The following ASTN2 variants were observed in gnomAD, a reference collection of about 807,000 sequenced individuals.
ASTN2 encodes astrotactin 2, also known as astrotactin-2.
Under a neutral mutation model 139.8 loss-of-function variants are expected in ASTN2, and 54 were observed. That is an observed-to-expected ratio of 0.39 (90% CI 0.31 to 0.48). The LOEUF (loss-of-function observed/expected upper bound fraction) is 0.48, where lower values mean the gene tolerates loss of function less well. Among genes scored for constraint, ASTN2 ranks in the 20% least tolerant of loss-of-function variants. The pLI, the probability that ASTN2 is intolerant of heterozygous loss-of-function variation, is 0.95. For missense variants in ASTN2, 1,565 were observed against 1,725.1 expected (o/e 0.91, Z 1.64); for synonymous variants, 756 against 719.5 (o/e 1.05, Z -0.81).
chr9:116,549,716 C>T (rs1861880), intron 19 of ASTN2, among the ~76,000 whole-genome samples: 39,957 of 152,090 alleles, frequency 0.26, 6,113 homozygotes, highest in Admixed American at 0.4. Context: ...ACTCCCAAAG[C>T]GGCCAGCCCT....
At chr9:117,165,768 A>G (rs775011672) in intron 3 of ASTN2, among the ~76,000 whole-genome samples, 8 of 152,174 alleles carry the variant, frequency 5.3e-5, no homozygotes, top group Non-Finnish European at 1.2e-4. Context: ...ATGCTTCTTA[A>G]ACTCTACTGT....
intron 12 of ASTN2, among the ~76,000 whole-genome samples, chr9:116,818,240 G>A (rs1200417399): frequency 1.3e-5 from 2 of 152,172 alleles, no homozygotes; most frequent in African/African-American, 4.8e-5. Flanking sequence ...CTCCTACCCA[G>A]AACACTCTTA....
At chr9:116,839,876 T>TTAC (rs1444317047) in intron 11 of ASTN2, among the ~76,000 whole-genome samples, 15 of 106,850 alleles carry the variant, frequency 1.4e-4, no homozygotes, top group African/African-American at 3.9e-4. Context: ...ATTATTATTA[T>TTAC]TATTATTTTT....
rs59742739 is a variant in ASTN2 at position 116,515,486 on chromosome 9, G to C, written c.3356-27986C>G. 9.0e-3 allele frequency among the ~76,000 whole-genome samples: 1,377 copies of C among 152,240 alleles called. 23 individuals are homozygous for C. The highest frequency in any genetic ancestry group is 0.032 in the African/African-American group (1,323 of 41,544). ...GCCTTGCAAGCCATTCTTTGATCAG[G>C]ACCAGGTTGCCATCTTGCTACTGTC... On this transcript the variant is annotated intron_variant, in intron 19 of 22. Coordinates refer to ENST00000313400, the MANE Select transcript of ASTN2 (RefSeq NM_001365068.1).
chr9:117,387,882 T>C (rs1419997458), intron 1 of ASTN2, among the ~76,000 whole-genome samples: 2 of 152,192 alleles, frequency 1.3e-5, no homozygotes, highest in Non-Finnish European at 2.9e-5. Context: ...CTGGTCTTTA[T>C]AGAGCCCTTG....
At chr9:117,405,946 T>C (rs1423315383) in intron 1 of ASTN2, among the ~76,000 whole-genome samples, 20 of 152,176 alleles carry the variant, frequency 1.3e-4, no homozygotes, top group Admixed American at 1.3e-3. Context: ...GCAATGGCTA[T>C]GGGTGCTTAG....
At chr9:116,618,880 T>A (rs562678508) in intron 18 of ASTN2, among the ~76,000 whole-genome samples, 3 of 152,278 alleles carry the variant, frequency 2.0e-5, no homozygotes, top group African/African-American at 7.2e-5. Context: ...AGCTAACTTT[T>A]TAATATCCTT....
intron 3 of ASTN2, among the ~76,000 whole-genome samples, chr9:117,177,415 A>G (rs1269088364): frequency 6.6e-6 from 1 of 152,156 alleles, no homozygotes; most frequent in Non-Finnish European, 1.5e-5. Context: ...GCCCGGTGTT[A>G]ATGTCATCAA....
At chr9:116,821,531 G>C (rs7020429) in intron 11 of ASTN2, among the ~76,000 whole-genome samples, 120,743 of 152,128 alleles carry the variant, frequency 0.79, 48,117 homozygotes, top group East Asian at 0.92. Context: ...TAGCCAGTCT[G>C]CTGGACTCCA....
intron 17 of ASTN2, among the ~76,000 whole-genome samples, chr9:116,630,280 G>A (rs1379393171): frequency 2.6e-5 from 4 of 152,108 alleles, no homozygotes; most frequent in African/African-American, 9.7e-5. Flanking sequence ...AAATTCCAAA[G>A]CCTAAATGCT....
intron 10 of ASTN2, among the ~76,000 whole-genome samples, chr9:116,963,523 G>C (rs1835924524): frequency 6.6e-6 from 1 of 152,168 alleles, no homozygotes; most frequent in Non-Finnish European, 1.5e-5. Context: ...GGCCCAATTG[G>C]TACAGCGGTT....
chr9:116,544,002 C>A (rs543263122), intron 19 of ASTN2, among the ~76,000 whole-genome samples: 1 of 152,302 alleles, frequency 6.6e-6, no homozygotes, highest in African/African-American at 2.4e-5. Context: ...TAGAACATAA[C>A]ATTGTCTAGT....
chr9:116,574,000 G>A (rs1853626831), intron 19 of ASTN2, among the ~76,000 whole-genome samples: 1 of 152,202 alleles, frequency 6.6e-6, no homozygotes, highest in Non-Finnish European at 1.5e-5. Flanking sequence ...CATCCAAGGT[G>A]AGAGGACTGA....
chr9:117,073,880 C>T (rs1333068274), intron 5 of ASTN2, among the ~76,000 whole-genome samples: 1 of 152,066 alleles, frequency 6.6e-6, no homozygotes, highest in Non-Finnish European at 1.5e-5. Flanking sequence ...ACAAAGCCTG[C>T]CCTAGTGGAT....
intron 7 of ASTN2, among the ~76,000 whole-genome samples, chr9:116,989,513 T>TACA (rs1836783743): frequency 2.4e-4 from 37 of 152,136 alleles, no homozygotes; most frequent in Admixed American, 2.4e-3. Flanking sequence ...ATTATACCAT[T>TACA]TTACGTAATG....
intron 10 of ASTN2, among the ~76,000 whole-genome samples, chr9:116,938,758 G>A (rs898480944): frequency 6.6e-5 from 10 of 152,042 alleles, no homozygotes; most frequent in African/African-American, 2.4e-4. Flanking sequence ...ACAATTCATT[G>A]CTTTAAGTAC....
At chr9:116,933,826 C>T (rs924044738) in intron 10 of ASTN2, among the ~76,000 whole-genome samples, 4 of 152,016 alleles carry the variant, frequency 2.6e-5, no homozygotes, top group Non-Finnish European at 4.4e-5. Flanking sequence ...GCCTGTCTGA[C>T]TGTTCTGGAC....
chr9:117,132,541 C>T (rs1587999092), intron 4 of ASTN2, among the ~76,000 whole-genome samples: 1 of 152,254 alleles, frequency 6.6e-6, no homozygotes, highest in Middle Eastern at 3.4e-3. Flanking sequence ...TGACTGAGAG[C>T]CCCCTGATGT....
intron 1 of ASTN2, among the ~76,000 whole-genome samples, chr9:117,398,688 C>A (rs1321897992): frequency 6.6e-6 from 1 of 152,124 alleles, no homozygotes; most frequent in Non-Finnish European, 1.5e-5. Context: ...TCATGGCCAC[C>A]TTTGAGGAAT....
Sources: allele counts gnomAD v4.1 joint callset (sites outside exome capture counted in the v4.1 genomes callset), GRCh38; gene constraint gnomAD v4.1.1; transcripts MANE v1.5; gene names NCBI Gene and HGNC (gene_info 2026-07-23, HGNC 2026-07-21).